Variants in TRPM2 observed in about 807,000 individuals in gnomAD.
The protein encoded by TRPM2 is estrogen-responsive element-associated gene 1 protein.
Under a neutral mutation model 174.0 loss-of-function variants are expected in TRPM2, and 161 were observed. The ratio of observed to expected loss-of-function variants is 0.93; its 90% confidence interval spans 0.81 to 1.05. The LOEUF is 1.05. Ranked by LOEUF, TRPM2 falls within the 50% of genes least tolerant of loss-of-function variation. The pLI is 0.00. For synonymous variants in TRPM2, 954 were observed against 861.3 expected (o/e 1.11, Z -1.88); for missense variants, 2,057 against 2,038.0 (o/e 1.01, Z -0.18).
chr21:44,366,681 T>C lies in TRPM2; in HGVS notation c.424-73T>C. Reference sequence around the variant, plus strand: ...TGCCGCCCGCTGGGGCCTCTCTGCATGGCCTGTGTGGGTCGGTGCTGTCCC... The same window carrying C: ...TGCCGCCCGCTGGGGCCTCTCTGCACGGCCTGTGTGGGTCGGTGCTGTCCC... On this transcript the variant is annotated intron_variant, in intron 3 of 31. Transcript: ENST00000397928. The surrounding 1 kb of genome is among the most constrained non-coding windows in gnomAD (Gnocchi z 6.0). 10 of 1,605,316 alleles carry C rather than the reference T, an allele frequency of 6.2e-6. No homozygotes were observed. The highest frequency in any genetic ancestry group is 8.5e-6 in the Non-Finnish European group (10 of 1,176,156).
At position 44,400,284 on chromosome 21, in the gene TRPM2, GC is replaced by G; in HGVS notation, c.2236del (p.Gln746SerfsTer11). ...IQAFLTKVWW[G>X]QLSVDNGLWR... ...GCCTTCCTGACCAAGGTGTGGTGGGGCCAGCTCTCCGTGGACAATGGGCTGT... is the reference window on the plus strand; with the variant it reads ...GCCTTCCTGACCAAGGTGTGGTGGGGCAGCTCTCCGTGGACAATGGGCTGT... On this transcript the variant is annotated frameshift_variant, in exon 15 of 32. Coordinates refer to ENST00000397928, the MANE Select transcript of TRPM2 (RefSeq NM_003307.4). LOFTEE classifies it high-confidence loss of function. 2 of 1,612,804 alleles carry G rather than the reference GC, an allele frequency of 1.2e-6. No homozygotes were observed. The highest frequency in any genetic ancestry group is 2.2e-5 in the East Asian group (1 of 44,884).
At chr21:44,389,645 A>G (rs550937688) in intron 9 of TRPM2, among the ~76,000 whole-genome samples, 2 of 152,196 alleles carry the variant, frequency 1.3e-5, no homozygotes, top group South Asian at 4.1e-4. Flanking sequence ...AGGACTACTG[A>G]TGTGGAGCAT....
intron 8 of TRPM2, among the ~76,000 whole-genome samples, chr21:44,379,726 T>C (rs2048822388): frequency 6.6e-6 from 1 of 152,310 alleles, no homozygotes; most frequent in African/African-American, 2.4e-5. Flanking sequence ...AGGGCCGTGG[T>C]TGGCCAGCCC....
At chr21:44,385,958 A>C (rs2049004891) in intron 9 of TRPM2, among the ~76,000 whole-genome samples, 1 of 152,236 alleles carries the variant, frequency 6.6e-6, no homozygotes, top group African/African-American at 2.4e-5. Flanking sequence ...TTATAATTCA[A>C]GATGAGATTT....
At position 44,379,011 on chromosome 21, in the gene TRPM2, C is replaced by T. The variant is rs1162804861; in HGVS notation, c.1029C>T (p.Ala343=). 6.2e-7 allele frequency: 1 copy of T among 1,606,874 alleles called. No individual in the cohort carries two copies. Among genetic ancestry groups the T allele is most frequent in the Non-Finnish European group, 8.5e-7 (1 of 1,179,820 alleles). ...CTGCCTTGCAGACCATCGACAACGC[C>T]ACCACCAACGGCACCCCCTGTGTGG... The part of the protein sequence containing the change: ...GPGTLHTIDN[A]TTNGTPCVVV... Residue 343 remains alanine, a synonymous_variant, in exon 8 of 32, where the codon GCC becomes GCT. Transcript: ENST00000397928.
rs1280469272 is a variant in TRPM2, at chr21:44,391,885, G to A, written c.1794+260G>A. Among the ~76,000 whole-genome samples the A allele has an allele frequency of 6.6e-6, 1 of 152,192 alleles. No individual in the cohort carries two copies. The highest frequency in any genetic ancestry group is 1.5e-5 in the Non-Finnish European group (1 of 68,034). On this transcript the variant is annotated intron_variant, in intron 11 of 31. Transcript: ENST00000397928. The surrounding 1 kb of genome is among the most constrained non-coding windows in gnomAD (Gnocchi z 5.0). Reference sequence around the variant, plus strand: ...TTCTGGCCAGGGCCTCTTCTTGCTTGCACGTGGCTGCCCTCTTGCTGTGTC... The same window carrying A: ...TTCTGGCCAGGGCCTCTTCTTGCTTACACGTGGCTGCCCTCTTGCTGTGTC...
chr21:44,417,230 A>G (rs1456709718), intron 20 of TRPM2, among the ~76,000 whole-genome samples: 23 of 70,140 alleles, frequency 3.3e-4, no homozygotes, highest in Admixed American at 6.7e-4. Flanking sequence ...CAGTGGGCAC[A>G]AGGGCGTGGC....
At chr21:44,398,727 G>A (rs1271811747) in intron 13 of TRPM2, among the ~76,000 whole-genome samples, 2 of 152,164 alleles carry the variant, frequency 1.3e-5, no homozygotes, top group Non-Finnish European at 1.5e-5. Context: ...CGTCAGTGAA[G>A]CATCAGAATG....
intron 28 of TRPM2, among the ~76,000 whole-genome samples, 183 bp from the exon 29 acceptor site, chr21:44,436,879 C>T (rs141531938): frequency 1.2e-4 from 19 of 152,274 alleles, no homozygotes; most frequent in Middle Eastern, 3.4e-3. Flanking sequence ...TGAAGAAGGA[C>T]GTCCCCTAAG....
chr21:44,355,133 C>T (rs910076588), intron 2 of TRPM2, among the ~76,000 whole-genome samples: 2 of 152,204 alleles, frequency 1.3e-5, no homozygotes. Flanking sequence ...GAGTCCATGG[C>T]CAGAAGACTG....
intron 13 of TRPM2, among the ~76,000 whole-genome samples, chr21:44,398,880 C>T (rs1047901329): frequency 1.7e-4 from 26 of 152,256 alleles, no homozygotes; most frequent in African/African-American, 3.6e-4. Flanking sequence ...GTCTTACAAA[C>T]GCAGACTGCT....
chr21:44,418,837 G>A lies in TRPM2; in HGVS notation c.3461+282G>A, dbSNP rs45573737. 6.2e-3 allele frequency among the ~76,000 whole-genome samples: 948 copies of A among 152,292 alleles called. 17 individuals are homozygous for A. Among genetic ancestry groups the A allele is most frequent in the African/African-American group, 0.021 (882 of 41,558 alleles). ...GGCTGGGGGAGGGGCAGGTTGGCCC[G>A]CAGGATCCGGCTTGGAGGCCTGGGG... On this transcript the variant is annotated intron_variant, in intron 22 of 31. Transcript: ENST00000397928.
chr21:44,424,893 G>T lies in TRPM2; in HGVS notation c.3591G>T (p.Thr1197=). ...TAQALHWIVR[T]LRASGFSSEA... ...AAGCCCTGCACTGGATCGTGAGGAC[G>T]CTGCGGGCCAGCGGCTTCAGCTCGG... is the stretch of plus-strand genomic sequence containing the variant. The change falls in exon 24 of 32, where the codon ACG becomes ACT. Residue 1197 remains threonine, a synonymous_variant. Coordinates refer to ENST00000397928, the MANE Select transcript of TRPM2 (RefSeq NM_003307.4). The T allele has an allele frequency of 6.2e-7, 1 of 1,608,300 alleles. No individual in the cohort carries two copies. The highest frequency in any genetic ancestry group is 1.1e-5 in the South Asian group (1 of 90,040).
At chr21:44,393,938 T>C (rs2146250842) in intron 11 of TRPM2, among the ~76,000 whole-genome samples, 1 of 152,286 alleles carries the variant, frequency 6.6e-6, no homozygotes, top group South Asian at 2.1e-4. Context: ...AATGGTATAA[T>C]CTCTGCTTAC....
In TRPM2 at chr21:44,391,242, C is replaced by G. The variant is rs1189929403; in HGVS notation, c.1441-30C>G. On this transcript the variant is annotated intron_variant, in intron 10 of 31. Transcript: ENST00000397928. The surrounding 1 kb of genome is among the most constrained non-coding windows in gnomAD (Gnocchi z 5.0). Reference sequence around the variant, plus strand: ...GATGACATGGGGTGATGACCAAATGCAACCGTCACTGCACAATGCTTGCTC... The same window carrying G: ...GATGACATGGGGTGATGACCAAATGGAACCGTCACTGCACAATGCTTGCTC... The G allele has an allele frequency of 6.3e-7, 1 of 1,589,182 alleles. No individual in the cohort carries two copies. The highest frequency in any genetic ancestry group is 1.7e-5 in the Admixed American group (1 of 58,966).
chr21:44,440,883 T>G lies in TRPM2; in HGVS notation c.4364T>G (p.Val1455Gly), dbSNP rs142151549. 2.5e-4 allele frequency: 399 copies of G among 1,613,768 alleles called. No homozygotes were observed. The African/African-American group carries it at 5.0e-3, about 20-fold the overall frequency. Residue 1455 changes from valine (V) to glycine (G), a missense_variant, in exon 31 of 32, where the codon GTG becomes GGG. Coordinates refer to ENST00000397928, the MANE Select transcript of TRPM2 (RefSeq NM_003307.4). ...GTCCACTTCCAGGACCAGAATGACGTGGAGCTGAACAGGCTGAACTCTGTA... is the reference window on the plus strand; with the variant it reads ...GTCCACTTCCAGGACCAGAATGACGGGGAGCTGAACAGGCTGAACTCTGTA... ...VSVHFQDQNDVELNRLNSNLH... is the reference protein window; with the variant it reads ...VSVHFQDQNDGELNRLNSNLH...
chr21:44,351,501 C>T (rs922786965), upstream of TRPM2, among the ~76,000 whole-genome samples: 1 of 152,256 alleles, frequency 6.6e-6, no homozygotes, highest in African/African-American at 2.4e-5. Flanking sequence ...TGAGTGCTCT[C>T]AACACTCACA....
chr21:44,439,384 C>T lies in TRPM2; in HGVS notation c.4269+216C>T, dbSNP rs746784188. Among the ~76,000 whole-genome samples, 9 of 152,134 alleles carry T rather than the reference C, an allele frequency of 5.9e-5. No individual in the cohort carries two copies. Among genetic ancestry groups the T allele is most frequent in the Non-Finnish European group, 1.3e-4 (9 of 68,016 alleles). On this transcript the variant is annotated intron_variant, in intron 30 of 31. Transcript: ENST00000397928. This position sits in a 1 kb window ranked among gnomAD's most constrained non-coding sequence, Gnocchi z 5.1. ...GTGCAGGGCCCCTCAGACATCTCGC[C>T]CTCCCTCTCTGTTCCATTTTCTCCT...
At chr21:44,414,188 A>G in intron 20 of TRPM2, 114 bp downstream of exon 20, 1 of 1,341,764 alleles carries the variant, frequency 7.5e-7, no homozygotes, top group South Asian at 1.3e-5. Context: ...GGGCTGGTGC[A>G]CAGAGGCGCG....
Sources: gnomAD v4.1 joint callset for allele counts (sites outside exome capture counted in the v4.1 genomes callset) on GRCh38, gnomAD v4.1.1 for gene constraint, Gnocchi (gnomAD v3.1) non-coding constraint, MANE v1.5 for transcripts, NCBI Gene and HGNC (gene_info 2026-07-23, HGNC 2026-07-21) for gene names.